Variants in SAMD12 observed in about 807,000 individuals in gnomAD.
SAMD12 encodes sterile alpha motif domain-containing protein 12.
Under a neutral mutation model 15.0 loss-of-function variants are expected in SAMD12, and 9 were observed. The ratio of observed to expected loss-of-function variants is 0.60; its 90% CI spans 0.36 to 1.05. The LOEUF (loss-of-function observed/expected upper bound fraction) is 1.05, where lower values mean the gene tolerates loss of function less well. SAMD12 is among the 50% of genes least tolerant of loss of function. The pLI, the probability that SAMD12 is intolerant of heterozygous loss-of-function variation, is 0.01. For synonymous variants in SAMD12, 86 were observed against 90.1 expected (o/e 0.96, Z 0.25); for missense variants, 230 against 234.2 (o/e 0.98, Z 0.12).
chr8:118,227,452 T>C (rs1416988708), intron 4 of SAMD12, among the ~76,000 whole-genome samples: 1 of 151,968 alleles, frequency 6.6e-6, no homozygotes, highest in Non-Finnish European at 1.5e-5. Flanking sequence ...ATAATCTACA[T>C]AACAAACCCT....
chr8:118,132,058 A>G, the SAMD12 span, among the ~76,000 whole-genome samples: 1 of 152,150 alleles, frequency 6.6e-6, no homozygotes, highest in Non-Finnish European at 1.5e-5. Flanking sequence ...CACTTACAAT[A>G]TTTTTCCATT....
chr8:118,464,171 G>A (rs75771382), intron 2 of SAMD12, among the ~76,000 whole-genome samples: 5,045 of 152,208 alleles, frequency 0.033, 276 homozygotes, highest in African/African-American at 0.11. Context: ...AAGGCTGGGA[G>A]AAGTCCCCTC....
intron 2 of SAMD12, among the ~76,000 whole-genome samples, chr8:118,478,657 G>A (rs1179519400): frequency 6.6e-6 from 1 of 152,180 alleles, no homozygotes; most frequent in Non-Finnish European, 1.5e-5. Context: ...CAGGCAGTCT[G>A]GCCCGAGACT....
intron 2 of SAMD12, among the ~76,000 whole-genome samples, chr8:118,549,869 T>C (rs946520723): frequency 3.9e-5 from 6 of 151,916 alleles, no homozygotes; most frequent in Non-Finnish European, 8.8e-5. Flanking sequence ...GCTCCAGAAC[T>C]ACATGAAGAA....
At position 118,455,930 on chromosome 8, in the gene SAMD12, T is replaced by G. The variant is rs188948663; in HGVS notation, c.193-15969A>C. Among the ~76,000 whole-genome samples the G allele has an allele frequency of 2.1e-3, 319 of 152,380 alleles. 9 individuals carry two copies. Among genetic ancestry groups the G allele is most frequent in the Admixed American group, 0.018 (280 of 15,310 alleles). ...TCCTTCCACCTCATTCAAAGGCAACTATTTCTCACCTAGACTCTGGCAATA... is the reference window on the plus strand; with the variant it reads ...TCCTTCCACCTCATTCAAAGGCAACGATTTCTCACCTAGACTCTGGCAATA... On this transcript the variant is annotated intron_variant, in intron 2 of 3. Transcript: ENST00000314727.
At chr8:118,271,565 C>A (rs926202428) in intron 4 of SAMD12, among the ~76,000 whole-genome samples, 1 of 152,132 alleles carries the variant, frequency 6.6e-6, no homozygotes, top group African/African-American at 2.4e-5. Context: ...AAGTCCAAGT[C>A]CAAAATCTCA....
intron 1 of SAMD12, among the ~76,000 whole-genome samples, chr8:118,598,848 G>A (rs1827787255): frequency 6.6e-6 from 1 of 152,122 alleles, no homozygotes; most frequent in Admixed American, 6.5e-5. Context: ...ACTCTTACCT[G>A]GCCAACCATG....
At chr8:118,170,678 C>A in the SAMD12 span, among the ~76,000 whole-genome samples, 9 of 151,892 alleles carry the variant, frequency 5.9e-5, no homozygotes, top group Non-Finnish European at 1.3e-4. Context: ...CAAAAATTAA[C>A]ACAGAATGGA....
intron 4 of SAMD12, among the ~76,000 whole-genome samples, chr8:118,202,631 G>T (rs971498969): frequency 1.3e-5 from 2 of 152,088 alleles, no homozygotes; most frequent in South Asian, 4.1e-4. Context: ...AAGAAGAAAA[G>T]ATATTATATC....
intron 2 of SAMD12, among the ~76,000 whole-genome samples, chr8:118,506,444 T>G (rs182484724): frequency 1.2e-4 from 19 of 152,300 alleles, no homozygotes; most frequent in Middle Eastern, 3.4e-3. Context: ...TGACAGTCTC[T>G]GTCTTGCAAG....
chr8:118,536,113 C>T (rs910492372), intron 2 of SAMD12, among the ~76,000 whole-genome samples: 1 of 152,086 alleles, frequency 6.6e-6, no homozygotes, highest in Non-Finnish European at 1.5e-5. Context: ...AAGTTAATTT[C>T]TAAGTTCTAC....
At chr8:118,442,206 T>C (rs1434072981) in intron 2 of SAMD12, among the ~76,000 whole-genome samples, 1 of 152,156 alleles carries the variant, frequency 6.6e-6, no homozygotes, top group Admixed American at 6.5e-5. Context: ...GAGGGTGAGA[T>C]CTGTTATAAT....
intron 2 of SAMD12, among the ~76,000 whole-genome samples, chr8:118,495,897 T>G (rs6985409): frequency 1.3e-5 from 2 of 152,112 alleles, no homozygotes; most frequent in African/African-American, 4.8e-5. Context: ...TTTAAGAGTA[T>G]AGAATTCTGT....
chr8:118,486,046 A>G (rs1189241201), intron 2 of SAMD12, among the ~76,000 whole-genome samples: 2 of 152,184 alleles, frequency 1.3e-5, no homozygotes, highest in African/African-American at 4.8e-5. Flanking sequence ...GGGAAAAGGA[A>G]CTTTGCTGGC....
downstream of SAMD12, among the ~76,000 whole-genome samples, chr8:118,376,966 T>TCTGA (rs55899566): frequency 0.47 from 71,473 of 151,656 alleles, 18,035 homozygotes; most frequent in African/African-American, 0.63. Context: ...TTAACGCTAA[T>TCTGA]CTGTCTTTAC....
At chr8:118,512,702 C>T (rs937685849) in intron 2 of SAMD12, among the ~76,000 whole-genome samples, 1 of 152,218 alleles carries the variant, frequency 6.6e-6, no homozygotes, top group Non-Finnish European at 1.5e-5. Flanking sequence ...TCAATTCATA[C>T]TAATCTACTA....
intron 4 of SAMD12, chr8:118,284,989 C>A (rs1414089142): frequency 1.3e-5 from 2 of 149,698 alleles, no homozygotes; most frequent in Non-Finnish European, 3.0e-5. Flanking sequence ...AATCAAAATT[C>A]ATCTGTTGTT....
the SAMD12 span, among the ~76,000 whole-genome samples, chr8:118,147,035 T>TG: frequency 6.6e-6 from 1 of 151,894 alleles, no homozygotes; most frequent in Non-Finnish European, 1.5e-5. Flanking sequence ...CAGGAACTTT[T>TG]TTTTTTTGAG....
At chr8:118,418,823 T>C (rs1480582434) in intron 3 of SAMD12, among the ~76,000 whole-genome samples, 3 of 152,142 alleles carry the variant, frequency 2.0e-5, no homozygotes, top group African/African-American at 7.2e-5. Flanking sequence ...TAGCATCCAA[T>C]ACATGATCAA....
Sources: allele counts gnomAD v4.1 joint callset (sites outside exome capture counted in the v4.1 genomes callset), GRCh38; gene constraint gnomAD v4.1.1; transcripts MANE v1.5; gene names NCBI Gene and HGNC (gene_info 2026-07-23, HGNC 2026-07-21).